The following ALB variants were observed in gnomAD, a reference collection of about 807,000 sequenced individuals.
The protein encoded by ALB is albumin.
ALB carries 37 observed loss-of-function variants against 74.5 expected under a neutral mutation model. The ratio of observed to expected loss-of-function variants is 0.50; its 90% CI spans 0.38 to 0.65. ALB has a LOEUF of 0.65. ALB is among the 30% of genes least tolerant of loss of function. The pLI, the probability that ALB is intolerant of heterozygous loss-of-function variation, is 0.00. For synonymous variants in ALB, 249 were observed against 251.6 expected (o/e 0.99, Z 0.10); for missense variants, 685 against 718.7 (o/e 0.95, Z 0.54).
At chr4:73,414,412 G>A (rs1025307785) in intron 8 of ALB, among the ~76,000 whole-genome samples, 5 of 152,156 alleles carry the variant, frequency 3.3e-5, no homozygotes, top group African/African-American at 1.2e-4. Context: ...CAAGCAGTGT[G>A]TGCTTTGTGT....
intron 5 of ALB, 110 bp from the exon 6 acceptor site, chr4:73,410,202 A>G (rs998811614): frequency 3.6e-6 from 3 of 830,626 alleles, no homozygotes; most frequent in Admixed American, 3.9e-5. Context: ...GAATTTAGGC[A>G]TAAATTATGC....
Position 73,418,275 on chromosome 4 carries a change from C to G in ALB, c.1616C>G (p.Thr539Arg), listed in dbSNP as rs2149329654. ...ETFTFHADIC[T>R]LSEKERQIKK... The stretch of plus-strand genomic sequence containing the variant: ...TTCACCTTCCATGCAGATATATGCA[C>G]ACTTTCTGAGAAGGAGAGACAAATC... The change falls in exon 12 of 15, where the codon ACA becomes AGA. Residue 539 changes from threonine (T) to arginine (R), a missense_variant. Physicochemically the swap from Thr to Arg is moderately conservative, Grantham distance 71. Transcript: ENST00000295897. 6.2e-7 allele frequency: 1 copy of G among 1,613,998 alleles called. No homozygotes were observed. Among genetic ancestry groups the G allele is most frequent in the Non-Finnish European group, 8.5e-7 (1 of 1,179,954 alleles).
chr4:73,413,724 A>G (rs1220620304), intron 8 of ALB, 90 bp downstream of exon 8: 7 of 1,251,954 alleles, frequency 5.6e-6, no homozygotes. Context: ...AGTTGCTACA[A>G]TTTCCCTGCT....
At chr4:73,416,902 A>G (rs1426594560) in intron 10 of ALB, among the ~76,000 whole-genome samples, 2 of 152,306 alleles carry the variant, frequency 1.3e-5, no homozygotes, top group East Asian at 1.9e-4. Flanking sequence ...AGTCTTATCT[A>G]TGAAGGTTAA....
chr4:73,405,082 A>G (rs751286755), intron 1 of ALB, 34 bp from the exon 2 acceptor site: 2 of 1,593,992 alleles, frequency 1.3e-6, no homozygotes, highest in African/African-American at 1.3e-5. Flanking sequence ...TTTCTTCAGT[A>G]TTTAACAATC....
At position 73,406,813 on chromosome 4, in the gene ALB, A is replaced by G. The variant is rs770240753; in HGVS notation, c.270+52A>G. 11 of 1,602,902 alleles carry G rather than the reference A, an allele frequency of 6.9e-6. No individual in the cohort carries two copies. In the Admixed American group the frequency reaches 1.5e-4, roughly 22 times the overall value. On this transcript the variant is annotated intron_variant, in intron 3 of 14. Coordinates refer to ENST00000295897, the MANE Select transcript of ALB (RefSeq NM_000477.7). Reference sequence around the variant, plus strand: ...CTTTCTTCTGTTTGAAGTAATCCCAAGCATTTCAAAGGAATTTTTTTTAAG... The same window carrying G: ...CTTTCTTCTGTTTGAAGTAATCCCAGGCATTTCAAAGGAATTTTTTTTAAG...
chr4:73,412,082 C>A lies in ALB; in HGVS notation c.800C>A (p.Thr267Lys), dbSNP rs774958805. Residue 267 changes from threonine (T) to lysine (K), a missense_variant, in exon 7 of 15, where the codon ACG becomes AAG. Physicochemically the swap from Thr to Lys is moderately conservative, Grantham distance 78. Transcript: ENST00000295897. Reference sequence around the variant, plus strand: ...GTGACAGATCTTACCAAAGTCCACACGGAATGCTGCCATGGAGATCTGCTT... The same window carrying A: ...GTGACAGATCTTACCAAAGTCCACAAGGAATGCTGCCATGGAGATCTGCTT... ...KLVTDLTKVH[T>K]ECCHGDLLEC... 1 of 1,614,068 alleles carries A rather than the reference C, an allele frequency of 6.2e-7. No individual in the cohort carries two copies. The highest frequency in any genetic ancestry group is 8.5e-7 in the Non-Finnish European group (1 of 1,179,994).
chr4:73,420,264 T>C lies in ALB; in HGVS notation c.1796T>C (p.Leu599Pro). 1 of 1,612,994 alleles carries C rather than the reference T, an allele frequency of 6.2e-7. No individual in the cohort carries two copies. Among genetic ancestry groups the C allele is most frequent in the Non-Finnish European group, 8.5e-7 (1 of 1,179,248 alleles). Reference sequence around the variant, plus strand: ...TGTCTTTGTGTTCAGGGTAAAAAACTTGTTGCTGCAAGTCAAGCTGCCTTA... The same window carrying C: ...TGTCTTTGTGTTCAGGGTAAAAAACCTGTTGCTGCAAGTCAAGCTGCCTTA... ...ETCFAEEGKK[L>P]VAASQAALGL Residue 599 changes from leucine to proline, a missense_variant, in exon 14 of 15, where the codon CTT becomes CCT. Coordinates refer to ENST00000295897, the MANE Select transcript of ALB (RefSeq NM_000477.7).
intron 1 of ALB, 198 bp from the exon 2 acceptor site, chr4:73,404,918 T>C: frequency 1.6e-6 from 1 of 608,576 alleles, no homozygotes; most frequent in Non-Finnish European, 2.9e-6. Context: ...ATAGTATTCT[T>C]GGTAATTGAA....
chr4:73,409,072 G>A, intron 4 of ALB: 1 of 574,312 alleles, frequency 1.7e-6, no homozygotes, highest in Non-Finnish European at 3.1e-6. Context: ...GTATTACGAA[G>A]ATATGTATAT....
rs761002858 is a variant in ALB at position 73,409,496 on chromosome 4, C to G, written c.615+9C>G. ...CCTGCCTGTTGCCAAAGGTATTATG[C>G]AAAAGAATAGAAAAAAAGAGTTCAT... On this transcript the variant is annotated intron_variant, in intron 5 of 14. Coordinates refer to ENST00000295897, the MANE Select transcript of ALB (RefSeq NM_000477.7). The G allele has an allele frequency of 6.2e-7, 1 of 1,613,658 alleles. No homozygotes were observed. The highest frequency in any genetic ancestry group is 1.1e-5 in the South Asian group (1 of 91,038).
Position 73,419,510 on chromosome 4 carries a change from A to G in ALB, c.1656A>G (p.Ala552=). ...TTCTTTTTCCATTCAAACTCAGTGC[A>G]CTTGTTGAGCTCGTGAAACACAAGC... ...EKERQIKKQT[A]LVELVKHKPK... is the part of the protein sequence containing the mutation. Residue 552 remains alanine (A), a synonymous_variant, in exon 13 of 15, where the codon GCA becomes GCG. Transcript: ENST00000295897. 1 of 1,611,886 alleles carries G rather than the reference A, an allele frequency of 6.2e-7. No homozygotes were observed. Among genetic ancestry groups the G allele is most frequent in the Non-Finnish European group, 8.5e-7 (1 of 1,179,402 alleles).
chr4:73,417,869 G>A, intron 11 of ALB, 200 bp downstream of exon 11: 1 of 667,388 alleles, frequency 1.5e-6, no homozygotes, highest in Non-Finnish European at 2.5e-6. Flanking sequence ...TTTTTTTTGA[G>A]ACGGAGTCTC....
At chr4:73,419,460 G>A (rs1416062355) in intron 12 of ALB, 47 bp from the exon 13 acceptor site, 5 of 1,580,712 alleles carry the variant, frequency 3.2e-6, no homozygotes, top group African/African-American at 2.7e-5. Context: ...CTATACGTGA[G>A]TAATGTTTTT....
intron 2 of ALB, among the ~76,000 whole-genome samples, chr4:73,406,243 A>C (rs1347230840): frequency 6.6e-5 from 10 of 152,156 alleles, no homozygotes; most frequent in Non-Finnish European, 7.4e-5. Context: ...TGGGTGACAG[A>C]GTGAGACTCT....
chr4:73,418,131 C>A lies in ALB; in HGVS notation c.1472C>A (p.Thr491Lys), dbSNP rs776185501. 4.3e-6 allele frequency: 7 copies of A among 1,614,024 alleles called. No homozygotes were observed. In the South Asian group the frequency reaches 7.7e-5, roughly 18 times the overall value. Residue 491 changes from threonine (T) to lysine (K), a missense_variant, in exon 12 of 15, where the codon ACG becomes AAG. Transcript: ENST00000295897. ...CAGTTATGTGTGTTGCATGAGAAAA[C>A]GCCAGTAAGTGACAGAGTCACCAAA... ...LNQLCVLHEK[T>K]PVSDRVTKCC...
chr4:73,410,091 G>C (rs779383948), intron 5 of ALB, among the ~76,000 whole-genome samples: 1 of 151,986 alleles, frequency 6.6e-6, no homozygotes, highest in Non-Finnish European at 1.5e-5. Context: ...GTTTCCAGTT[G>C]GTTTCTAACT....
chr4:73,415,858 C>G lies in ALB; in HGVS notation c.1192-398C>G, dbSNP rs1718998952. 2.0e-5 allele frequency among the ~76,000 whole-genome samples: 3 copies of G among 152,130 alleles called. No homozygotes were observed. The South Asian group carries it at 6.2e-4, about 31-fold the overall frequency. On this transcript the variant is annotated intron_variant, in intron 9 of 14. Coordinates refer to ENST00000295897, the MANE Select transcript of ALB (RefSeq NM_000477.7). ...ACAATCATAGCCATCATTTATTAAACTTTTATTATATGCAAGGCACTGTTT... is the reference window on the plus strand; with the variant it reads ...ACAATCATAGCCATCATTTATTAAAGTTTTATTATATGCAAGGCACTGTTT...
intron 11 of ALB, 189 bp downstream of exon 11, chr4:73,417,858 T>C (rs1719054083): frequency 1.3e-6 from 1 of 754,356 alleles, no homozygotes; most frequent in Admixed American, 2.9e-5. Context: ...TAATTTTTTT[T>C]TTTTTTTTGA....
Sources: allele counts gnomAD v4.1 joint callset (sites outside exome capture counted in the v4.1 genomes callset), GRCh38; gene constraint gnomAD v4.1.1; transcripts MANE v1.5; gene names NCBI Gene and HGNC (gene_info 2026-07-23, HGNC 2026-07-21).